Variants in COL20A1 observed in about 807,000 individuals in gnomAD.
The protein encoded by COL20A1 is collagen type XX alpha 1 chain.
COL20A1 carries 164 observed loss-of-function variants against 152.9 expected under a neutral mutation model. The ratio of observed to expected loss-of-function variants is 1.07; its 90% confidence interval spans 0.94 to 1.22. The LOEUF (loss-of-function observed/expected upper bound fraction) is 1.22, where lower values mean the gene tolerates loss of function less well. COL20A1 is among the 50% of genes most tolerant of loss of function. The pLI is 0.00. For missense variants in COL20A1, 1,873 were observed against 1,744.8 expected (o/e 1.07, Z -1.31); for synonymous variants, 864 against 756.0 (o/e 1.14, Z -2.34).
chr20:63,310,684 G>C (rs1296480617), intron 11 of COL20A1, among the ~76,000 whole-genome samples, 174 bp downstream of exon 11: 2 of 152,134 alleles, frequency 1.3e-5, no homozygotes, highest in Non-Finnish European at 2.9e-5. Flanking sequence ...GGGCCCCTCT[G>C]ACCCTGGGTG....
In COL20A1 at chr20:63,295,331, C is replaced by G. The variant is rs1191095175; in HGVS notation, c.82+142C>G. On this transcript the variant is annotated intron_variant, in intron 2 of 35. Transcript: ENST00000358894. ...GCTGAATTCACAGCAGCTCCCACAA[C>G]AAAGGCAAGACGGGAGGGAGCGTGT... 6 of 621,416 alleles carry G rather than the reference C, an allele frequency of 9.7e-6. No homozygotes were observed. The East Asian group carries it at 1.7e-4, about 18-fold the overall frequency. 38.5% of individuals were successfully genotyped at this position (621,416 alleles called of 1,614,324 possible). A position where few individuals can be genotyped will look rare whatever the true frequency, so the allele number is the denominator to read the frequency against.
At position 63,319,045 on chromosome 20, in the gene COL20A1, C is replaced by T. The variant is rs41302946; in HGVS notation, c.2664-13C>T. ...GTCTGCTCATGTGCCTCTCCCTCCC[C>T]CAACCCCCACAGTGACGTCTACCCA... is the stretch of plus-strand genomic sequence containing the variant. On this transcript the variant is annotated splice_polypyrimidine_tract_variant and intron_variant, in intron 21 of 35. Coordinates refer to ENST00000358894, the MANE Select transcript of COL20A1 (RefSeq NM_020882.4). This position sits in a 1 kb window ranked among gnomAD's most constrained non-coding sequence, Gnocchi z 4.4. The T allele has an allele frequency of 9.7e-3, 15,465 of 1,596,184 alleles. 138 individuals are homozygous for T. The highest frequency in any genetic ancestry group is 0.011 in the Non-Finnish European group (13,361 of 1,166,160).
chr20:63,325,607 C>T (rs1024663816), intron 28 of COL20A1, 61 bp from the exon 29 acceptor site: 1 of 1,571,770 alleles, frequency 6.4e-7, no homozygotes, highest in African/African-American at 1.3e-5. Flanking sequence ...GCCTCACAGG[C>T]AGGGCCACCT....
intron 2 of COL20A1, among the ~76,000 whole-genome samples, chr20:63,297,188 G>A (rs911443704): frequency 6.6e-6 from 1 of 152,234 alleles, no homozygotes; most frequent in African/African-American, 2.4e-5. Flanking sequence ...CAGTGACCTT[G>A]GCAGCTAGGG....
At chr20:63,301,535 A>G (rs926844318) in intron 3 of COL20A1, among the ~76,000 whole-genome samples, 1 of 152,190 alleles carries the variant, frequency 6.6e-6, no homozygotes, top group Admixed American at 6.5e-5. Flanking sequence ...TTCTAATTGT[A>G]GATGTGTCTT....
chr20:63,323,303 T>C (rs778744300), intron 27 of COL20A1, among the ~76,000 whole-genome samples: 11 of 152,278 alleles, frequency 7.2e-5, no homozygotes, highest in Non-Finnish European at 1.3e-4. Context: ...CATTTTCTTG[T>C]CTTTTGACCT....
rs1360027361 is a variant in COL20A1 at position 63,319,810 on chromosome 20, C to T, written c.2916+214C>T. On this transcript the variant is annotated intron_variant, in intron 23 of 35. Coordinates refer to ENST00000358894, the MANE Select transcript of COL20A1 (RefSeq NM_020882.4). The surrounding 1 kb of genome is among the most constrained non-coding windows in gnomAD (Gnocchi z 4.4). ...AGCCCATCTCTTTGGGACCCACAGA[C>T]CCCGGGAGGCTCCTGCAGCAGGTGC... 6.6e-6 allele frequency among the ~76,000 whole-genome samples: 1 copy of T among 152,152 alleles called. No homozygotes were observed. The highest frequency in any genetic ancestry group is 6.5e-5 in the Admixed American group (1 of 15,292).
At chr20:63,329,713 G>A in intron 35 of COL20A1, 52 bp downstream of exon 35, 1 of 1,353,596 alleles carries the variant, frequency 7.4e-7, no homozygotes, top group Non-Finnish European at 1.0e-6. Flanking sequence ...CATCCAGGAA[G>A]GAGGAGCTCC....
rs369730137 is a variant in COL20A1, at chr20:63,305,924, G to A, written c.381G>A (p.Arg127=). 11 of 1,612,600 alleles carry A rather than the reference G, an allele frequency of 6.8e-6. No individual in the cohort carries two copies. In the African/African-American group the frequency reaches 1.1e-4, roughly 16 times the overall value. The part of the protein sequence containing the change: ...KSSSLDRSSQ[R]PLGSGAPEPT... Reference sequence around the variant, plus strand: ...GCTCCCTGGACAGGAGCAGCCAGAGGCCCCTCGGCTCTGGAGCCCCGGAGC... The same window carrying A: ...GCTCCCTGGACAGGAGCAGCCAGAGACCCCTCGGCTCTGGAGCCCCGGAGC... Residue 127 remains arginine, a synonymous_variant, in exon 5 of 36, where the codon AGG becomes AGA. Transcript: ENST00000358894. The surrounding 1 kb of genome is among the most constrained non-coding windows in gnomAD (Gnocchi z 4.9).
At chr20:63,296,803 T>C (rs370683800) in intron 2 of COL20A1, among the ~76,000 whole-genome samples, 200 of 152,110 alleles carry the variant, frequency 1.3e-3, no homozygotes, top group African/African-American at 4.6e-3. Flanking sequence ...AGCTGCTGCC[T>C]GCTCTGAATG....
chr20:63,310,851 A>G (rs562626575), intron 11 of COL20A1, among the ~76,000 whole-genome samples: 1 of 152,114 alleles, frequency 6.6e-6, no homozygotes, highest in Admixed American at 6.5e-5. Context: ...AGGGACTGCC[A>G]TGAGCCCGTC....
At chr20:63,297,688 G>C (rs552102002) in intron 2 of COL20A1, among the ~76,000 whole-genome samples, 6 of 152,334 alleles carry the variant, frequency 3.9e-5, no homozygotes, top group African/African-American at 1.4e-4. Flanking sequence ...TGCGGACCCC[G>C]GGGAGGGCCG....
intron 3 of COL20A1, among the ~76,000 whole-genome samples, chr20:63,298,922 C>T (rs1029280545): frequency 9.2e-5 from 14 of 152,244 alleles, no homozygotes; most frequent in East Asian, 1.9e-4. Context: ...CCGGGTGCCC[C>T]GGTGCCCTTG....
At chr20:63,318,253 G>A (rs2068110064) in intron 21 of COL20A1, among the ~76,000 whole-genome samples, 1 of 152,170 alleles carries the variant, frequency 6.6e-6, no homozygotes, top group Non-Finnish European at 1.5e-5. Flanking sequence ...GTGTGGGGTC[G>A]GGAGGCTCCT....
intron 18 of COL20A1, 56 bp from the exon 19 acceptor site, chr20:63,314,016 C>T: frequency 1.9e-6 from 3 of 1,610,054 alleles, no homozygotes; most frequent in Middle Eastern, 1.7e-4. Flanking sequence ...AGCTGAGCCG[C>T]GTGGACGAGC....
rs2068042283 is a variant in COL20A1 at position 63,313,419 on chromosome 20, C to G, written c.2209+170C>G. Among the ~76,000 whole-genome samples the G allele has an allele frequency of 1.3e-5, 2 of 152,206 alleles. No homozygotes were observed. Among genetic ancestry groups the G allele is most frequent in the African/African-American group, 4.8e-5 (2 of 41,454 alleles). On this transcript the variant is annotated intron_variant, in intron 17 of 35. Coordinates refer to ENST00000358894, the MANE Select transcript of COL20A1 (RefSeq NM_020882.4). This position sits in a 1 kb window ranked among gnomAD's most constrained non-coding sequence, Gnocchi z 5.9. ...AGTCTGCAGCACTTCCTTGAGCTCA[C>G]ACGGGTATAGGTGTTCCCCCAGTGG...
Position 63,306,236 on chromosome 20 carries a change from C to A in COL20A1, c.496+197C>A, listed in dbSNP as rs2067924729. 8.2e-6 allele frequency among the ~76,000 whole-genome samples: 1 copy of A among 122,396 alleles called. No individual in the cohort carries two copies. Among genetic ancestry groups the A allele is most frequent in the Non-Finnish European group, 1.7e-5 (1 of 57,364 alleles). The allele number at this position is 122,396 out of a possible 152,430, so 80.3% of individuals were successfully genotyped here. On this transcript the variant is annotated intron_variant, in intron 5 of 35. Transcript: ENST00000358894. This position sits in a 1 kb window ranked among gnomAD's most constrained non-coding sequence, Gnocchi z 6.9. ...CCGGGAAGTTCTTCCTCGTGTCTGA[C>A]CACACGGTCTCTGACCACGAGGCCG...
intron 15 of COL20A1, 80 bp from the exon 16 acceptor site, chr20:63,312,712 C>T (rs975597428): frequency 7.5e-6 from 11 of 1,474,602 alleles, no homozygotes; most frequent in Non-Finnish European, 9.1e-6. Flanking sequence ...GTATAGGGTG[C>T]TCCTGGGTGT....
chr20:63,318,843 C>G (rs1403506736), intron 21 of COL20A1, among the ~76,000 whole-genome samples: 2 of 151,522 alleles, frequency 1.3e-5, no homozygotes, highest in Non-Finnish European at 1.5e-5. Context: ...AGACCCTCAG[C>G]TCTGTGGAAC....
Sources: allele counts gnomAD v4.1 joint callset (sites outside exome capture counted in the v4.1 genomes callset), GRCh38; gene constraint gnomAD v4.1.1; non-coding constraint Gnocchi (gnomAD v3.1); transcripts MANE v1.5; gene names NCBI Gene and HGNC (gene_info 2026-07-23, HGNC 2026-07-21).